Variants in RFESD observed in about 807,000 individuals in gnomAD.
The protein encoded by RFESD is Rieske domain-containing protein.
RFESD carries 16 observed loss-of-function variants against 24.4 expected under a neutral mutation model. The observed-to-expected ratio is 0.66, with a 90% CI of 0.44 to 1.00. The LOEUF is 1.00. Among genes scored for constraint, RFESD ranks in the 50% least tolerant of loss-of-function variants. RFESD has a pLI of 0.00. For missense variants in RFESD, 208 were observed against 247.0 expected (o/e 0.84, Z 1.06); for synonymous variants, 59 against 81.8 (o/e 0.72, Z 1.50).
chr5:95,656,220 AT>A lies in RFESD; in HGVS notation c.547del (p.Tyr183MetfsTer2), dbSNP rs1417801571. 1.9e-6 allele frequency: 3 copies of A among 1,613,932 alleles called. No homozygotes were observed. Among genetic ancestry groups the A allele is most frequent in the Non-Finnish European group, 2.5e-6 (3 of 1,179,802 alleles). On this transcript the variant is annotated frameshift_variant, in exon 6 of 6. Transcript: ENST00000380005. LOFTEE classifies it high-confidence loss of function. The stretch of plus-strand genomic sequence containing the variant: ...CACAGTGACAGTAGACAACGGAAAT[AT>A]TTATGTGACTCTTTCTAATGAACCT... Reference protein sequence around the residue: ...IHTVTVDNGNIYVTLSNEPFK... With the variant: ...IHTVTVDNGNXYVTLSNEPFK...
chr5:95,649,839 T>C (rs1474459357), intron 1 of RFESD, among the ~76,000 whole-genome samples: 1 of 152,242 alleles, frequency 6.6e-6, no homozygotes, highest in Admixed American at 6.5e-5. Flanking sequence ...TCTCAAGAGT[T>C]TGTCAGTTAT....
intron 1 of RFESD, chr5:95,647,465 T>C (rs1750153757): frequency 6.6e-6 from 1 of 152,184 alleles, no homozygotes; most frequent in Admixed American, 6.5e-5. Flanking sequence ...GTTAAGCAAC[T>C]TGCCCCAAAT....
chr5:95,652,943 C>G, intron 2 of RFESD, 174 bp from the exon 3 acceptor site: 1 of 803,790 alleles, frequency 1.2e-6, no homozygotes, highest in Non-Finnish European at 1.8e-6. Flanking sequence ...TCACACTTTC[C>G]TGCTTTATAC....
At chr5:95,647,125 T>C (rs1298277210) in intron 1 of RFESD, 4 of 152,150 alleles carry the variant, frequency 2.6e-5, no homozygotes, top group Non-Finnish European at 4.4e-5. Context: ...CTCTAAAGTA[T>C]AGAAGCTGCT....
At position 95,655,657 on chromosome 5, in the gene RFESD, A is replaced by ATCATATGC. The variant is rs1750705675; in HGVS notation, c.370-389_370-388insTCATATGC. Among the ~76,000 whole-genome samples, 3 of 152,328 alleles carry ATCATATGC rather than the reference A, an allele frequency of 2.0e-5. 1 individual carries two copies. The South Asian group carries it at 6.2e-4, about 32-fold the overall frequency. ...TATCATATGCACTCATGCCTTTAGT[A>ATCATATGC]ACTCCTTTTGAATTTATATCTGAAC... On this transcript the variant is annotated intron_variant, in intron 5 of 5. Coordinates refer to ENST00000380005, the MANE Select transcript of RFESD (RefSeq NM_001131066.2).
Position 95,654,084 on chromosome 5 carries a change from A to G in RFESD, c.182A>G (p.Gln61Arg), listed in dbSNP as rs1433856799. The change falls in exon 4 of 6, where the codon CAA (glutamine) becomes CGA (arginine). Residue 61 changes from glutamine (Q) to arginine (R), a missense_variant. Coordinates refer to ENST00000380005, the MANE Select transcript of RFESD (RefSeq NM_001131066.2). ...AGCATGAATCTTGATGGCTCTGCAC[A>G]AGATCCTGAAAAGAGGGAATATTCT... is the stretch of plus-strand genomic sequence containing the variant. ...YLSMNLDGSAQDPEKREYSSV... is the reference protein window; with the variant it reads ...YLSMNLDGSARDPEKREYSSV... The G allele has an allele frequency of 1.2e-6, 2 of 1,611,158 alleles. No individual in the cohort carries two copies. Among genetic ancestry groups the G allele is most frequent in the African/African-American group, 1.3e-5 (1 of 74,796 alleles).
Position 95,653,219 on chromosome 5 carries a change from G to GA in RFESD, c.158+9dup, listed in dbSNP as rs1405126579. 5 of 1,551,580 alleles carry GA rather than the reference G, an allele frequency of 3.2e-6. No homozygotes were observed. The highest frequency in any genetic ancestry group is 4.4e-6 in the Non-Finnish European group (5 of 1,146,960). On this transcript the variant is annotated splice_donor_region_variant and intron_variant, in intron 3 of 5. Coordinates refer to ENST00000380005, the MANE Select transcript of RFESD (RefSeq NM_001131066.2). ...AGTGACCAGTTTTTATCTGAGGTAA[G>GA]AAAATGAAAGGTTTTCATTCATACC...
chr5:95,650,846 C>T lies in RFESD; in HGVS notation c.-135-1291C>T, dbSNP rs554857393. ...GGGCATGGTGGCTCACGCCTGTAAT[C>T]CCAGCACATTGGGAGGCCGAGGCGG... is the stretch of plus-strand genomic sequence containing the variant. On this transcript the variant is annotated intron_variant, in intron 1 of 5. Coordinates refer to ENST00000380005, the MANE Select transcript of RFESD (RefSeq NM_001131066.2). Among the ~76,000 whole-genome samples the T allele has an allele frequency of 1.5e-4, 23 of 152,246 alleles. No individual in the cohort carries two copies. In the South Asian group the frequency reaches 4.8e-3, roughly 32 times the overall value.
At chr5:95,652,430 C>T in intron 2 of RFESD, 99 bp downstream of exon 2, 1 of 1,419,844 alleles carries the variant, frequency 7.0e-7, no homozygotes, top group African/African-American at 1.4e-5. Flanking sequence ...CTTGACATCT[C>T]TACTTGGATG....
At position 95,652,236 on chromosome 5, in the gene RFESD, T is replaced by C. The variant is rs1186341157; in HGVS notation, c.-36T>C. On this transcript the variant is annotated 5_prime_UTR_variant, in exon 2 of 6. Transcript: ENST00000380005. ...AATAGATTGGACACTCTACTGATCTTGCCTCTCTACAACCTCTCTTCCACC... is the reference window on the plus strand; with the variant it reads ...AATAGATTGGACACTCTACTGATCTCGCCTCTCTACAACCTCTCTTCCACC... The C allele has an allele frequency of 6.5e-7, 1 of 1,543,046 alleles. No homozygotes were observed. The highest frequency in any genetic ancestry group is 1.4e-5 in the African/African-American group (1 of 72,924).
chr5:95,647,910 T>C (rs779510270), intron 1 of RFESD: 1 of 152,196 alleles, frequency 6.6e-6, no homozygotes, highest in Non-Finnish European at 1.5e-5. Context: ...TTATCTGTTA[T>C]TATTCTGCCA....
intron 4 of RFESD, 39 bp from the exon 5 acceptor site, chr5:95,654,294 T>A (rs1209994154): frequency 6.2e-7 from 1 of 1,609,786 alleles, no homozygotes; most frequent in South Asian, 1.1e-5. Context: ...AAAATTTCAG[T>A]TTTTTAGTGA....
At chr5:95,654,027 C>T (rs1750545145) in intron 3 of RFESD, 34 bp from the exon 4 acceptor site, 3 of 1,585,166 alleles carry the variant, frequency 1.9e-6, no homozygotes, top group Non-Finnish European at 2.6e-6. Context: ...TTAGTGAATA[C>T]TTCTTGTAAC....
intron 2 of RFESD, chr5:95,652,572 A>G: frequency 4.9e-6 from 2 of 412,228 alleles, no homozygotes; most frequent in Non-Finnish European, 8.3e-6. Flanking sequence ...TAGCTGCACA[A>G]ACCTAAAACT....
rs1247571693 is a variant in RFESD, at chr5:95,657,332, A to T, written c.*1023A>T. 6.6e-6 allele frequency: 1 copy of T among 151,868 alleles called. No individual in the cohort carries two copies. Among genetic ancestry groups the T allele is most frequent in the East Asian group, 1.9e-4 (1 of 5,162 alleles). The allele number at this position is 151,868 out of a possible 1,614,324, so 9.4% of individuals were successfully genotyped here. On this transcript the variant is annotated 3_prime_UTR_variant, in exon 6 of 6. Transcript: ENST00000380005. ...TGATGGTCATACCGTACCAGTTGTAATGTATTTAAAATAACACCCCAAGCA... is the reference window on the plus strand; with the variant it reads ...TGATGGTCATACCGTACCAGTTGTATTGTATTTAAAATAACACCCCAAGCA...
Position 95,657,876 on chromosome 5 carries a change from G to T in RFESD, c.*1567G>T, listed in dbSNP as rs1750859472. The stretch of plus-strand genomic sequence containing the variant: ...TGATAATCCTTCAATGCCCAGTCAG[G>T]TCTTAACACATGTCCAGAATATAAA... On this transcript the variant is annotated 3_prime_UTR_variant, in exon 6 of 6. Transcript: ENST00000380005. The T allele has an allele frequency of 6.6e-6, 1 of 152,092 alleles. No individual in the cohort carries two copies. The highest frequency in any genetic ancestry group is 1.5e-5 in the Non-Finnish European group (1 of 68,004). The allele number at this position is 152,092 out of a possible 1,614,324, so 9.4% of individuals were successfully genotyped here. A position where few individuals can be genotyped will look rare whatever the true frequency, so the allele number is the denominator to read the frequency against.
chr5:95,656,041 C>G lies in RFESD; in HGVS notation c.370-5C>G, dbSNP rs1750736501. The G allele has an allele frequency of 6.2e-7, 1 of 1,611,190 alleles. No individual in the cohort carries two copies. Among genetic ancestry groups the G allele is most frequent in the South Asian group, 1.1e-5 (1 of 90,660 alleles). ...GAATATTAAATGAGTTATTCTCTTC[C>G]CCAGGATTTTGATGGACGACCGTGT... On this transcript the variant is annotated splice_region_variant and splice_polypyrimidine_tract_variant and intron_variant, in intron 5 of 5. Transcript: ENST00000380005.
chr5:95,655,011 A>G (rs1311768425), intron 5 of RFESD, among the ~76,000 whole-genome samples: 1 of 152,212 alleles, frequency 6.6e-6, no homozygotes, highest in Non-Finnish European at 1.5e-5. Flanking sequence ...TTGGATTCCA[A>G]AACTAGTCAC....
chr5:95,649,234 A>G (rs189576220), intron 1 of RFESD, among the ~76,000 whole-genome samples: 8 of 152,318 alleles, frequency 5.3e-5, no homozygotes, highest in Admixed American at 2.0e-4. Flanking sequence ...TCCATGAATA[A>G]TATACTGTTT....
Sources: gnomAD v4.1 joint callset for allele counts (sites outside exome capture counted in the v4.1 genomes callset) on GRCh38, gnomAD v4.1.1 for gene constraint, MANE v1.5 for transcripts, NCBI Gene and HGNC (gene_info 2026-07-23, HGNC 2026-07-21) for gene names.